RMDN1: variants seen among roughly 807,000 people sequenced by gnomAD.
RMDN1 encodes the protein regulator of microtubule dynamics 1.
Under a neutral mutation model 48.9 loss-of-function variants are expected in RMDN1, and 48 were observed. The ratio of observed to expected loss-of-function variants is 0.98; its 90% CI spans 0.78 to 1.25. RMDN1 has a LOEUF of 1.25. Among genes scored for constraint, RMDN1 ranks in the 50% most tolerant of loss-of-function variants. The pLI, the probability that RMDN1 is intolerant of heterozygous loss-of-function variation, is 0.00. For synonymous variants in RMDN1, 148 were observed against 132.6 expected (o/e 1.12, Z -0.80); for missense variants, 418 against 373.4 (o/e 1.12, Z -0.98).
chr8:86,510,548 G>A (rs1229850031), upstream of RMDN1, among the ~76,000 whole-genome samples: 2 of 152,158 alleles, frequency 1.3e-5, no homozygotes, highest in Non-Finnish European at 2.9e-5. Context: ...CTTTTGGGCT[G>A]AAGAACTCCT....
At chr8:86,511,762 G>A (rs142671606), upstream of RMDN1, among the ~76,000 whole-genome samples, 684 of 149,154 alleles carry the variant, frequency 4.6e-3, 6 homozygotes, top group African/African-American at 0.016. Context: ...GTGGTGAATC[G>A]TATTCGCACC....
upstream of RMDN1, among the ~76,000 whole-genome samples, chr8:86,512,817 T>C (rs1341027553): frequency 6.6e-6 from 1 of 152,110 alleles, no homozygotes; most frequent in Non-Finnish European, 1.5e-5. Context: ...CTCACACCTG[T>C]AATCCCAGCA....
upstream of RMDN1, among the ~76,000 whole-genome samples, chr8:86,510,959 A>T (rs1157875422): frequency 6.6e-6 from 1 of 151,562 alleles, no homozygotes; most frequent in Admixed American, 6.6e-5. Context: ...CTCTGTCTCT[A>T]CAAAAACATG....
At chr8:86,477,248 C>T in intron 8 of RMDN1, 46 bp downstream of exon 8, 2 of 1,341,406 alleles carry the variant, frequency 1.5e-6, no homozygotes, top group Non-Finnish European at 2.1e-6. Flanking sequence ...ATTCAGCATT[C>T]ATACAATTTT....
rs769580274 is a variant in RMDN1, at chr8:86,472,712, TA to T, written c.*1595del. The T allele has an allele frequency of 9.8e-6, 5 of 512,784 alleles. No homozygotes were observed. Among genetic ancestry groups the T allele is most frequent in the Non-Finnish European group, 1.4e-5 (4 of 291,426 alleles). 31.8% of individuals were successfully genotyped at this position (512,784 alleles called of 1,614,324 possible). A position where few individuals can be genotyped will look rare whatever the true frequency, so the allele number is the denominator to read the frequency against. On this transcript the variant is annotated 3_prime_UTR_variant, in exon 10 of 10. Transcript: ENST00000406452. ...CGAGTTATGTCATATTTTTTACTGT[TA>T]AGTACTTATGCATGAATAAGTATAA...
At chr8:86,479,187 G>C (rs1813910094) in intron 6 of RMDN1, among the ~76,000 whole-genome samples, 177 bp from the exon 7 acceptor site, 1 of 152,038 alleles carries the variant, frequency 6.6e-6, no homozygotes, top group Admixed American at 6.6e-5. Flanking sequence ...TAGCTGGGGG[G>C]TGTATTTTGT....
At position 86,487,717 on chromosome 8, in the gene RMDN1, A is replaced by G. The variant is rs199918706; in HGVS notation, c.335+835T>C. On this transcript the variant is annotated intron_variant, in intron 3 of 9. Transcript: ENST00000406452. Reference sequence around the variant, plus strand: ...GCTTCCTTTAATTAAGATAGTTATCATTCAATGAATATGGAGTAACTACCT... The same window carrying G: ...GCTTCCTTTAATTAAGATAGTTATCGTTCAATGAATATGGAGTAACTACCT... 5.3e-5 allele frequency among the ~76,000 whole-genome samples: 8 copies of G among 152,194 alleles called. No homozygotes were observed. In the East Asian group the frequency reaches 1.2e-3, roughly 22 times the overall value.
chr8:86,513,031 A>G (rs913441216), upstream of RMDN1, among the ~76,000 whole-genome samples: 1 of 149,020 alleles, frequency 6.7e-6, no homozygotes, highest in African/African-American at 2.5e-5. Context: ...ATTAAAAAAA[A>G]CCTTCACCCA....
Position 86,474,263 on chromosome 8 carries a change from A to ATTT in RMDN1, c.*44_*45insAAA. 12 of 1,608,670 alleles carry ATTT rather than the reference A, an allele frequency of 7.5e-6. No homozygotes were observed. The highest frequency in any genetic ancestry group is 1.0e-5 in the Non-Finnish European group (12 of 1,178,026). ...ATATTAAGTTTAGAATTAAAAGAAA[A>ATTT]GGCAATGTTTATTAGCTATTTCATA... On this transcript the variant is annotated 3_prime_UTR_variant, in exon 10 of 10. Transcript: ENST00000406452.
At chr8:86,508,924 T>C, upstream of RMDN1, 1 of 551,044 alleles carries the variant, frequency 1.8e-6, no homozygotes, top group Non-Finnish European at 2.5e-6. Context: ...CTAGGGGGTC[T>C]TTCATGGTTT....
rs1375363774 is a variant in RMDN1 at position 86,504,409 on chromosome 8, C to A, written c.247+2586G>T. The A allele has an allele frequency of 2.1e-5, 32 of 1,558,866 alleles. No homozygotes were observed. The Admixed American group carries it at 5.4e-4, about 26-fold the overall frequency. On this transcript the variant is annotated intron_variant, in intron 2 of 9. Transcript: ENST00000406452. Reference sequence around the variant, plus strand: ...ACAGCCAATCATCATTTCCATTGTGCTCCAGCTCTCTCGACAGCTCTCTGG... The same window carrying A: ...ACAGCCAATCATCATTTCCATTGTGATCCAGCTCTCTCGACAGCTCTCTGG...
At chr8:86,482,657 C>T (rs569381157) in intron 5 of RMDN1, 27 of 806,166 alleles carry the variant, frequency 3.3e-5, no homozygotes, top group South Asian at 5.3e-5. Flanking sequence ...CCACATTGAG[C>T]GCAGTCGGAA....
At chr8:86,497,143 G>GCT (rs1817500439) in intron 2 of RMDN1, among the ~76,000 whole-genome samples, 1 of 152,192 alleles carries the variant, frequency 6.6e-6, no homozygotes, top group African/African-American at 2.4e-5. Flanking sequence ...CTAAAGCAGT[G>GCT]CTAAGAGGAA....
chr8:86,481,853 A>AT (rs200962154), intron 5 of RMDN1: 431 of 804,926 alleles, frequency 5.4e-4, no homozygotes, highest in Middle Eastern at 1.1e-3. Flanking sequence ...TTGGAGCAGT[A>AT]TTTTTTTTTA....
chr8:86,484,735 A>T, intron 5 of RMDN1, 137 bp downstream of exon 5: 3 of 465,962 alleles, frequency 6.4e-6, no homozygotes, highest in Non-Finnish European at 1.1e-5. Flanking sequence ...AAAAAAAAAA[A>T]GAAATAACAA....
intron 1 of RMDN1, chr8:86,508,176 A>G: frequency 3.2e-6 from 1 of 314,842 alleles, no homozygotes; most frequent in Non-Finnish European, 5.9e-6. Flanking sequence ...CATCGCCTAC[A>G]GGGAGAATAA....
chr8:86,473,456 T>G lies in RMDN1; in HGVS notation c.*852A>C, dbSNP rs1427306816. The G allele has an allele frequency of 3.0e-6, 3 of 985,336 alleles. No homozygotes were observed. The highest frequency in any genetic ancestry group is 3.6e-6 in the Non-Finnish European group (3 of 829,886). 61.0% of individuals were successfully genotyped at this position (985,336 alleles called of 1,614,324 possible). The stretch of plus-strand genomic sequence containing the variant: ...ATCTGATGACAAATTCAGTTTACCA[T>G]GAGACTACACCACATTTAAAGTAAA... On this transcript the variant is annotated 3_prime_UTR_variant, in exon 10 of 10. Transcript: ENST00000406452.
chr8:86,502,195 G>A (rs1818356639), intron 2 of RMDN1, among the ~76,000 whole-genome samples: 1 of 152,022 alleles, frequency 6.6e-6, no homozygotes, highest in Non-Finnish European at 1.5e-5. Context: ...CTAATATACA[G>A]AAATTTTGGC....
At chr8:86,482,872 TG>T in intron 5 of RMDN1, 3 of 1,146,620 alleles carry the variant, frequency 2.6e-6, no homozygotes, top group Non-Finnish European at 4.0e-6. Flanking sequence ...CAGAAGGCCC[TG>T]GGGTCCCAGT....
Sources: gnomAD v4.1 joint callset for allele counts (sites outside exome capture counted in the v4.1 genomes callset) on GRCh38, gnomAD v4.1.1 for gene constraint, MANE v1.5 for transcripts, NCBI Gene and HGNC (gene_info 2026-07-23, HGNC 2026-07-21) for gene names.